The following CCDC91 variants were observed in gnomAD, a reference collection of about 807,000 sequenced individuals.
CCDC91 encodes coiled-coil domain containing 91.
CCDC91 carries 48 observed loss-of-function variants against 63.2 expected under a neutral mutation model. The ratio of observed to expected loss-of-function variants is 0.76; its 90% confidence interval spans 0.60 to 0.97. CCDC91 has a LOEUF of 0.97. Ranked by LOEUF, CCDC91 falls within the 50% of genes least tolerant of loss-of-function variation. The probability of loss-of-function intolerance (pLI) is 0.00; values close to 1 mark genes in which losing one functional copy is unlikely to be tolerated. For missense variants in CCDC91, 500 were observed against 494.6 expected (o/e 1.01, Z -0.10); for synonymous variants, 167 against 165.8 (o/e 1.01, Z -0.06).
chr12:28,405,468 C>T (rs760222277), intron 8 of CCDC91, among the ~76,000 whole-genome samples: 1 of 152,182 alleles, frequency 6.6e-6, no homozygotes, highest in African/African-American at 2.4e-5. Context: ...TATTCCTTCT[C>T]AGATGCTTTT....
chr12:28,266,618 A>G lies in CCDC91; in HGVS notation c.109+7176A>G, dbSNP rs569315354. ...TTTCGGTATCTTTTAACAATCAATTACTGTTCACATTGCTTTTTCTAACAG... is the reference window on the plus strand; with the variant it reads ...TTTCGGTATCTTTTAACAATCAATTGCTGTTCACATTGCTTTTTCTAACAG... On this transcript the variant is annotated intron_variant, in intron 3 of 12. Transcript: ENST00000536442. 4.6e-5 allele frequency among the ~76,000 whole-genome samples: 7 copies of G among 152,074 alleles called. No homozygotes were observed. The South Asian group carries it at 1.5e-3, about 32-fold the overall frequency.
chr12:28,520,613 T>G (rs1565513756), intron 12 of CCDC91, among the ~76,000 whole-genome samples: 1 of 152,238 alleles, frequency 6.6e-6, no homozygotes, highest in East Asian at 1.9e-4. Context: ...TTGTTGCCAT[T>G]GCTTTCGGTG....
At chr12:28,433,097 G>T (rs1212332858) in intron 8 of CCDC91, among the ~76,000 whole-genome samples, 1 of 151,360 alleles carries the variant, frequency 6.6e-6, no homozygotes, top group African/African-American at 2.4e-5. Context: ...AGAGTTTTCT[G>T]CATGCTTTGG....
At chr12:28,316,040 C>T (rs1197572488) in intron 6 of CCDC91, among the ~76,000 whole-genome samples, 3 of 151,896 alleles carry the variant, frequency 2.0e-5, no homozygotes, top group African/African-American at 7.2e-5. Context: ...CTGTCAAAGT[C>T]TAATAGCAAT....
At position 28,321,757 on chromosome 12, in the gene CCDC91, A is replaced by G. The variant is rs559951338; in HGVS notation, c.576+14008A>G. Among the ~76,000 whole-genome samples, 15 of 152,004 alleles carry G rather than the reference A, an allele frequency of 9.9e-5. 1 individual carries two copies. The East Asian group carries it at 2.7e-3, about 28-fold the overall frequency. On this transcript the variant is annotated intron_variant, in intron 6 of 12. Transcript: ENST00000536442. ...GGCTTCTAGCCTCCAGAATTGTGCA[A>G]AATAAATTTTTGTCATTTAAGCTAC...
intron 8 of CCDC91, among the ~76,000 whole-genome samples, chr12:28,407,964 A>ATATT (rs1288440679): frequency 4.7e-5 from 6 of 127,166 alleles, no homozygotes; most frequent in African/African-American, 1.7e-4. Context: ...ATATATATAT[A>ATATT]TTTTTTTTAT....
chr12:28,471,658 T>C (rs771874169), intron 11 of CCDC91, among the ~76,000 whole-genome samples: 48 of 152,008 alleles, frequency 3.2e-4, no homozygotes, highest in Admixed American at 4.6e-4. Flanking sequence ...TGAGAAGATA[T>C]ATACAACTAG....
intron 3 of CCDC91, among the ~76,000 whole-genome samples, chr12:28,293,439 TA>T (rs1949365073): frequency 6.6e-6 from 1 of 152,216 alleles, no homozygotes; most frequent in Non-Finnish European, 1.5e-5. Flanking sequence ...TTTACTTCAT[TA>T]AGTCTTGTTT....
Position 28,507,428 on chromosome 12 carries a change from A to G in CCDC91, c.1215+23263A>G, listed in dbSNP as rs568986733. ...TAGTAGCCACCCCCTAGTTGTTACA[A>G]TCAAAACAGCTGACTTCAAAATCAC... On this transcript the variant is annotated intron_variant, in intron 12 of 12. Coordinates refer to ENST00000536442, the MANE Select transcript of CCDC91 (RefSeq NM_018318.5). Among the ~76,000 whole-genome samples, 5 of 152,116 alleles carry G rather than the reference A, an allele frequency of 3.3e-5. No individual in the cohort carries two copies. In the South Asian group the frequency reaches 8.3e-4, roughly 25 times the overall value.
intron 8 of CCDC91, among the ~76,000 whole-genome samples, chr12:28,414,206 C>A (rs1947499346): frequency 6.6e-6 from 1 of 152,046 alleles, no homozygotes; most frequent in Non-Finnish European, 1.5e-5. Flanking sequence ...ATATTTTTTA[C>A]AGCCCAAAAT....
intron 3 of CCDC91, among the ~76,000 whole-genome samples, chr12:28,267,524 A>C (rs1472007847): frequency 6.7e-6 from 1 of 149,726 alleles, no homozygotes; most frequent in East Asian, 2.0e-4. Flanking sequence ...GTGACTTGAA[A>C]GATTATTTAA....
chr12:28,305,636 T>C lies in CCDC91; in HGVS notation c.110-13T>C. The C allele has an allele frequency of 6.2e-7, 1 of 1,607,334 alleles. No individual in the cohort carries two copies. Among genetic ancestry groups the C allele is most frequent in the Non-Finnish European group, 8.5e-7 (1 of 1,176,398 alleles). On this transcript the variant is annotated splice_polypyrimidine_tract_variant and intron_variant, in intron 3 of 12. Coordinates refer to ENST00000536442, the MANE Select transcript of CCDC91 (RefSeq NM_018318.5). ...ATAATCCTATCCTTTTTGTTGTTGT[T>C]GTTTTTCTTTAGTATCTGGAGTCCA...
Position 28,202,120 on chromosome 12 carries a change from A to G in CCDC91, c.-15+11479A>G, listed in dbSNP as rs150236234. Among the ~76,000 whole-genome samples the G allele has an allele frequency of 2.6e-3, 363 of 140,680 alleles. 1 individual carries two copies. The highest frequency in any genetic ancestry group is 8.8e-3 in the African/African-American group (342 of 39,064). The allele number at this position is 140,680 out of a possible 152,430, so 92.3% of individuals were successfully genotyped here. A position where few individuals can be genotyped will look rare whatever the true frequency, so the allele number is the denominator to read the frequency against. On this transcript the variant is annotated intron_variant, in intron 1 of 12. Transcript: ENST00000536442. Reference sequence around the variant, plus strand: ...TTTGTTTCTTTATTTTGTAATCTCTATCTCTTCATTAATAATCTCTATTTG... The same window carrying G: ...TTTGTTTCTTTATTTTGTAATCTCTGTCTCTTCATTAATAATCTCTATTTG...
chr12:28,239,372 T>A (rs1287048957), intron 1 of CCDC91, among the ~76,000 whole-genome samples: 1 of 151,994 alleles, frequency 6.6e-6, no homozygotes, highest in Non-Finnish European at 1.5e-5. Flanking sequence ...AAAATTAACA[T>A]TTATGTGTTT....
intron 3 of CCDC91, among the ~76,000 whole-genome samples, chr12:28,277,039 A>G (rs1327493240): frequency 6.6e-6 from 1 of 152,020 alleles, no homozygotes; most frequent in Non-Finnish European, 1.5e-5. Flanking sequence ...GCCATATTTC[A>G]TAAGCTTATA....
intron 3 of CCDC91, among the ~76,000 whole-genome samples, chr12:28,264,447 G>A (rs1474468548): frequency 2.6e-5 from 4 of 150,972 alleles, no homozygotes; most frequent in African/African-American, 9.7e-5. Context: ...CATAAGGCTA[G>A]TAATGCTCTA....
intron 6 of CCDC91, among the ~76,000 whole-genome samples, chr12:28,327,866 T>A (rs1941157609): frequency 6.6e-6 from 1 of 152,082 alleles, no homozygotes; most frequent in African/African-American, 2.4e-5. Flanking sequence ...TCATCAGTCT[T>A]AGCAGGTTTG....
At chr12:28,357,730 A>G (rs984349520) in intron 6 of CCDC91, among the ~76,000 whole-genome samples, 1 of 152,060 alleles carries the variant, frequency 6.6e-6, no homozygotes, top group African/African-American at 2.4e-5. Flanking sequence ...TTTTTGACTT[A>G]TCTGGGCCTC....
intron 8 of CCDC91, among the ~76,000 whole-genome samples, chr12:28,435,302 C>T (rs1412829287): frequency 2.0e-5 from 3 of 151,216 alleles, no homozygotes; most frequent in Non-Finnish European, 4.4e-5. Flanking sequence ...TGATAAATTG[C>T]GTTTTTTTTT....
Sources: gnomAD v4.1 joint callset for allele counts (sites outside exome capture counted in the v4.1 genomes callset) on GRCh38, gnomAD v4.1.1 for gene constraint, MANE v1.5 for transcripts, NCBI Gene and HGNC (gene_info 2026-07-23, HGNC 2026-07-21) for gene names.